Variants in ZNF385D observed in about 807,000 individuals in gnomAD.
ZNF385D encodes zinc finger protein 659.
In ZNF385D, 15 loss-of-function variants were observed where a neutral mutation model predicts 35.8. The observed-to-expected ratio is 0.42, with a 90% CI of 0.28 to 0.64. ZNF385D has a LOEUF of 0.64. Among genes scored for constraint, ZNF385D ranks in the 30% least tolerant of loss-of-function variants. The pLI is 0.23. For missense variants in ZNF385D, 474 were observed against 494.6 expected, an observed-to-expected ratio of 0.96 and a Z score of 0.39; for synonymous variants, 212 against 186.8, an observed-to-expected ratio of 1.13 and a Z score of -1.10.
At chr3:22,244,830 T>C (rs1479475958) in intron 2 of ZNF385D, among the ~76,000 whole-genome samples, 2 of 144,276 alleles carry the variant, frequency 1.4e-5, no homozygotes, top group Non-Finnish European at 3.0e-5. Flanking sequence ...TGATTTTTTT[T>C]TTCTCATCTG....
chr3:22,046,803 G>A lies in ZNF385D; in HGVS notation c.325+122014C>T, dbSNP rs61095030. Among the ~76,000 whole-genome samples, 922 of 152,112 alleles carry A rather than the reference G, an allele frequency of 6.1e-3. 11 individuals carry two copies. Among genetic ancestry groups the A allele is most frequent in the African/African-American group, 0.021 (874 of 41,504 alleles). On this transcript the variant is annotated intron_variant, in intron 3 of 5. Transcript: ENST00000494108. Reference sequence around the variant, plus strand: ...TCAACAAAAGGCACTTTTCTAAGTCGAATTGTATTTGGAGAAACAATTTAT... The same window carrying A: ...TCAACAAAAGGCACTTTTCTAAGTCAAATTGTATTTGGAGAAACAATTTAT...
chr3:21,765,444 T>C (rs908365719), intron 3 of ZNF385D, among the ~76,000 whole-genome samples: 1 of 152,126 alleles, frequency 6.6e-6, no homozygotes, highest in African/African-American at 2.4e-5. Flanking sequence ...TTAGGATGGC[T>C]TCTAAATGGG....
intron 3 of ZNF385D, among the ~76,000 whole-genome samples, chr3:21,807,574 C>T (rs1408156294): frequency 6.6e-6 from 1 of 151,976 alleles, no homozygotes; most frequent in Non-Finnish European, 1.5e-5. Context: ...CTAAGAAATA[C>T]AATAGTGAAT....
intron 2 of ZNF385D, among the ~76,000 whole-genome samples, chr3:22,172,280 G>A (rs1005344668): frequency 2.0e-5 from 3 of 152,178 alleles, no homozygotes; most frequent in Non-Finnish European, 4.4e-5. Context: ...GTGTTTGTTT[G>A]TGTGAGTGTG....
chr3:21,968,921 G>A (rs1703073545), intron 3 of ZNF385D, among the ~76,000 whole-genome samples: 1 of 152,136 alleles, frequency 6.6e-6, no homozygotes, highest in Non-Finnish European at 1.5e-5. Context: ...TGTTTACTGG[G>A]GTCTCTGATT....
chr3:22,279,665 C>A (rs1259839553), intron 2 of ZNF385D, among the ~76,000 whole-genome samples: 5 of 116,396 alleles, frequency 4.3e-5, no homozygotes, highest in African/African-American at 1.7e-4. Context: ...GCACACACAC[C>A]ACAATTTCTT....
At chr3:21,677,580 A>C (rs945456910) in intron 1 of ZNF385D, among the ~76,000 whole-genome samples, 2 of 152,032 alleles carry the variant, frequency 1.3e-5, no homozygotes, top group African/African-American at 4.8e-5. Context: ...GGCCTAAATA[A>C]ATTTCTAAGA....
At chr3:21,835,426 C>T (rs1695270892) in intron 3 of ZNF385D, among the ~76,000 whole-genome samples, 1 of 151,302 alleles carries the variant, frequency 6.6e-6, no homozygotes, top group Admixed American at 6.6e-5. Flanking sequence ...CAAAATTCTC[C>T]AGTTGGACAA....
chr3:22,201,265 C>T (rs559460955), intron 2 of ZNF385D, among the ~76,000 whole-genome samples: 1 of 152,266 alleles, frequency 6.6e-6, no homozygotes, highest in African/African-American at 2.4e-5. Context: ...CCGGTCCCTT[C>T]ATTTGGGGTC....
At chr3:21,594,512 G>T (rs2064074047) in intron 2 of ZNF385D, among the ~76,000 whole-genome samples, 2 of 152,088 alleles carry the variant, frequency 1.3e-5, no homozygotes, top group Admixed American at 1.3e-4. Context: ...ATCCCACAAG[G>T]GCTGGAAACA....
Position 22,302,231 on chromosome 3 carries a change from C to T in ZNF385D, c.106+70219G>A, listed in dbSNP as rs73134108. The stretch of plus-strand genomic sequence containing the variant: ...TTTAAAATAAATTTTCGCTAACCAC[C>T]AGCTACCTAGGATGGGTCCTGGGAC... On this transcript the variant is annotated intron_variant, in intron 2 of 5. Coordinates refer to the ZNF385D transcript ENST00000494108. 9.6e-3 allele frequency among the ~76,000 whole-genome samples: 1,464 copies of T among 152,138 alleles called. 29 individuals are homozygous for T. Among genetic ancestry groups the T allele is most frequent in the African/African-American group, 0.033 (1,377 of 41,532 alleles).
At chr3:22,115,977 C>T (rs2125654903) in intron 3 of ZNF385D, among the ~76,000 whole-genome samples, 1 of 152,158 alleles carries the variant, frequency 6.6e-6, no homozygotes, top group Non-Finnish European at 1.5e-5. Context: ...AAGCTGGAAG[C>T]TAAATAATGA....
intron 3 of ZNF385D, among the ~76,000 whole-genome samples, chr3:21,789,454 C>G (rs1303874587): frequency 6.6e-6 from 1 of 152,156 alleles, no homozygotes; most frequent in Non-Finnish European, 1.5e-5. Context: ...CCTTAAAGCA[C>G]TATCTGACTT....
chr3:21,919,140 T>A (rs1700333126), intron 3 of ZNF385D, among the ~76,000 whole-genome samples: 1 of 152,222 alleles, frequency 6.6e-6, no homozygotes, highest in Admixed American at 6.5e-5. Flanking sequence ...GCCAAAGGAT[T>A]TACAGAATGT....
chr3:21,469,392 G>A (rs1341305414), intron 4 of ZNF385D, among the ~76,000 whole-genome samples: 2 of 152,098 alleles, frequency 1.3e-5, no homozygotes, highest in South Asian at 2.1e-4. Flanking sequence ...CATACGTCAC[G>A]AAACATGTTT....
At chr3:21,513,181 A>G (rs974678143) in intron 3 of ZNF385D, among the ~76,000 whole-genome samples, 9 of 152,130 alleles carry the variant, frequency 5.9e-5, no homozygotes, top group Non-Finnish European at 1.3e-4. Flanking sequence ...ACTACAAAGG[A>G]AGCCCACAAG....
At chr3:21,579,278 G>C (rs1007372312) in intron 2 of ZNF385D, 6 of 152,144 alleles carry the variant, frequency 3.9e-5, no homozygotes, top group African/African-American at 1.4e-4. Context: ...AATCTATTCT[G>C]TTACCAGCTG....
intron 3 of ZNF385D, among the ~76,000 whole-genome samples, chr3:22,066,532 C>CTGTGTGTGTG (rs10536628): frequency 1.1e-5 from 1 of 91,316 alleles, no homozygotes; most frequent in Non-Finnish European, 2.1e-5. Flanking sequence ...AGATGGTTCC[C>CTGTGTGTGTG]TGTGTGTGTG....
At chr3:21,514,567 A>G (rs1210643076) in intron 3 of ZNF385D, among the ~76,000 whole-genome samples, 1 of 152,082 alleles carries the variant, frequency 6.6e-6, no homozygotes, top group African/African-American at 2.4e-5. Flanking sequence ...TAAATCAGTC[A>G]CAGCAACTGG....
Sources: gnomAD v4.1 joint callset for allele counts (sites outside exome capture counted in the v4.1 genomes callset) on GRCh38, gnomAD v4.1.1 for gene constraint, MANE v1.5 for transcripts, NCBI Gene and HGNC (gene_info 2026-07-23, HGNC 2026-07-21) for gene names.